Variants in NAA35 observed in about 807,000 individuals in gnomAD.
The protein encoded by NAA35 is MAK10 homolog, amino-acid N-acetyltransferase subunit.
In NAA35, 18 loss-of-function variants were observed where a neutral mutation model predicts 101.7. That is an observed-to-expected ratio of 0.18 (90% CI 0.12 to 0.26). NAA35 has a LOEUF of 0.26. Ranked by LOEUF, NAA35 falls within the 10% of genes least tolerant of loss-of-function variation. NAA35 has a pLI of 1.00. For synonymous variants in NAA35, 267 were observed against 273.1 expected, an observed-to-expected ratio of 0.98 and a Z score of 0.22; for missense variants, 601 against 886.8, an observed-to-expected ratio of 0.68 and a Z score of 4.09.
intron 6 of NAA35, among the ~76,000 whole-genome samples, chr9:85,972,459 C>T (rs545049361): frequency 8.3e-5 from 11 of 131,808 alleles, no homozygotes; most frequent in African/African-American, 2.4e-4. Flanking sequence ...TTACAGTGAG[C>T]TAAGTTTGCG....
chr9:86,008,467 A>G (rs1831748568), intron 14 of NAA35, among the ~76,000 whole-genome samples: 2 of 152,204 alleles, frequency 1.3e-5, no homozygotes, highest in Admixed American at 1.3e-4. Context: ...CATGAGTTTG[A>G]TGTTAATAAA....
chr9:86,024,706 T>C lies in NAA35; in HGVS notation c.*2746T>C, dbSNP rs1832708409. ...GGCAACTAGACGATGGTGGTGCCACTTGTGTAGATATCTAGGCAAGGTAGG... is the reference window on the plus strand; with the variant it reads ...GGCAACTAGACGATGGTGGTGCCACCTGTGTAGATATCTAGGCAAGGTAGG... On this transcript the variant is annotated 3_prime_UTR_variant, in exon 23 of 23. Coordinates refer to ENST00000361671, the MANE Select transcript of NAA35 (RefSeq NM_024635.4). Among the ~76,000 whole-genome samples the C allele has an allele frequency of 6.6e-6, 1 of 152,132 alleles. No individual in the cohort carries two copies. Among genetic ancestry groups the C allele is most frequent in the African/African-American group, 2.4e-5 (1 of 41,438 alleles).
intron 16 of NAA35, 64 bp from the exon 17 acceptor site, chr9:86,013,655 T>A: frequency 6.8e-7 from 1 of 1,463,120 alleles, no homozygotes; most frequent in Non-Finnish European, 9.3e-7. Flanking sequence ...TACGTTTTTT[T>A]AAAGTTCTGT....
rs569342989 is a variant in NAA35, at chr9:85,967,549, T to A, written c.516+5369T>A. On this transcript the variant is annotated intron_variant, in intron 6 of 22. Coordinates refer to ENST00000361671, the MANE Select transcript of NAA35 (RefSeq NM_024635.4). ...TTGGCCGGGCGCGGTGGCTCACGCA[T>A]GTAATTCCAGCACTTTGAGAGGCCC... 1.6e-3 allele frequency among the ~76,000 whole-genome samples: 247 copies of A among 152,236 alleles called. 1 individual carries two copies. Among genetic ancestry groups the A allele is most frequent in the African/African-American group, 3.8e-3 (157 of 41,536 alleles).
chr9:85,996,352 A>G (rs41283651), intron 11 of NAA35, 47 bp from the exon 12 acceptor site: 27,268 of 1,340,858 alleles, frequency 0.02, 401 homozygotes, highest in Admixed American at 0.028. Context: ...GCAGTTTAAA[A>G]TTCAGAGAAA....
intron 6 of NAA35, among the ~76,000 whole-genome samples, chr9:85,967,932 A>G (rs920332299): frequency 3.9e-5 from 6 of 152,138 alleles, no homozygotes; most frequent in African/African-American, 1.4e-4. Flanking sequence ...CTTTCTTAAC[A>G]TCTTGCTCAC....
intron 12 of NAA35, among the ~76,000 whole-genome samples, chr9:86,001,642 T>C (rs1333652320): frequency 2.6e-5 from 4 of 152,220 alleles, no homozygotes; most frequent in Non-Finnish European, 5.9e-5. Context: ...TTGTCTTATT[T>C]GATCTTTGTT....
chr9:85,990,029 G>A (rs1163604405), intron 11 of NAA35, among the ~76,000 whole-genome samples: 3 of 152,190 alleles, frequency 2.0e-5, no homozygotes, highest in Admixed American at 2.0e-4. Context: ...GAGACTGGGT[G>A]ATTTATTTTA....
At chr9:85,997,272 C>T (rs929329289) in intron 12 of NAA35, among the ~76,000 whole-genome samples, 11 of 151,628 alleles carry the variant, frequency 7.3e-5, no homozygotes, top group African/African-American at 2.2e-4. Flanking sequence ...TAGCCTTGAA[C>T]TCTTGAGGTC....
At chr9:86,013,372 AAT>A (rs777591178) in intron 16 of NAA35, among the ~76,000 whole-genome samples, 1 of 152,262 alleles carries the variant, frequency 6.6e-6, no homozygotes, top group Non-Finnish European at 1.5e-5. Flanking sequence ...TAAATTATGA[AAT>A]ATGTATAAAA....
In NAA35 at chr9:86,001,529, T is replaced by C. The variant is rs538899632; in HGVS notation, c.1057-2056T>C. ...TTATGTGGGAGTCTGTGTCTCTTTG[T>C]AGGTCTGTAAGAACTTGCTTTAGGA... On this transcript the variant is annotated intron_variant, in intron 12 of 22. Transcript: ENST00000361671. Among the ~76,000 whole-genome samples, 58 of 152,210 alleles carry C rather than the reference T, an allele frequency of 3.8e-4. 1 individual carries two copies. Among genetic ancestry groups the C allele is most frequent in the Non-Finnish European group, 7.5e-4 (51 of 68,032 alleles).
intron 21 of NAA35, among the ~76,000 whole-genome samples, chr9:86,019,885 A>G (rs1309612474): frequency 6.6e-6 from 1 of 152,222 alleles, no homozygotes; most frequent in African/African-American, 2.4e-5. Context: ...CAGGATTTCT[A>G]ATAGCAAAAA....
Position 85,978,385 on chromosome 9 carries a change from A to C in NAA35, c.877+4A>C, listed in dbSNP as rs535074389. On this transcript the variant is annotated splice_donor_region_variant and intron_variant, in intron 11 of 22. Coordinates refer to ENST00000361671, the MANE Select transcript of NAA35 (RefSeq NM_024635.4). ...CAGAATGATACTACAAAAGGAGGTA[A>C]TTGTTCAATTTGCTCCTACTCTTTC... 1.9e-6 allele frequency: 3 copies of C among 1,553,044 alleles called. No homozygotes were observed. In the African/African-American group the frequency reaches 4.1e-5, roughly 21 times the overall value.
At chr9:86,011,089 A>G (rs1206390317) in intron 15 of NAA35, among the ~76,000 whole-genome samples, 2 of 151,114 alleles carry the variant, frequency 1.3e-5, no homozygotes, top group African/African-American at 4.9e-5. Flanking sequence ...CTGAAAATAC[A>G]AAATTAGCTG....
intron 3 of NAA35, among the ~76,000 whole-genome samples, 153 bp downstream of exon 3, chr9:85,956,546 G>T (rs1324039229): frequency 2.0e-5 from 3 of 152,046 alleles, no homozygotes; most frequent in Admixed American, 6.5e-5. Flanking sequence ...ACTGTGATGA[G>T]CTATTTTGGG....
intron 12 of NAA35, among the ~76,000 whole-genome samples, chr9:85,997,000 G>A (rs1831191503): frequency 6.6e-6 from 1 of 151,644 alleles, no homozygotes; most frequent in Non-Finnish European, 1.5e-5. Flanking sequence ...ACCTACATTG[G>A]AGTGCAGTGG....
At chr9:85,952,472 A>G (rs567139363) in intron 2 of NAA35, among the ~76,000 whole-genome samples, 1 of 151,856 alleles carries the variant, frequency 6.6e-6, no homozygotes, top group South Asian at 2.1e-4. Flanking sequence ...TTTAGTTGAG[A>G]CGGGGTTTCA....
chr9:85,986,500 T>C (rs370702247), intron 11 of NAA35: 18 of 467,392 alleles, frequency 3.9e-5, no homozygotes, highest in African/African-American at 3.6e-4. Flanking sequence ...GAGATGGAGG[T>C]GGAAGTCAGA....
At position 85,955,195 on chromosome 9, in the gene NAA35, G is replaced by GT. The variant is rs1250348953; in HGVS notation, c.125-1165_125-1164insT. 2.6e-5 allele frequency among the ~76,000 whole-genome samples: 4 copies of GT among 151,720 alleles called. No individual in the cohort carries two copies. In the East Asian group the frequency reaches 5.8e-4, roughly 22 times the overall value. On this transcript the variant is annotated intron_variant, in intron 2 of 22. Coordinates refer to ENST00000361671, the MANE Select transcript of NAA35 (RefSeq NM_024635.4). ...GCCTTATTGGTGTATTTTCACACAT[G>GT]ATTCTTATCTGTTTCAGTACCTGGA...
Sources: allele counts gnomAD v4.1 joint callset (sites outside exome capture counted in the v4.1 genomes callset), GRCh38; gene constraint gnomAD v4.1.1; transcripts MANE v1.5; gene names NCBI Gene and HGNC (gene_info 2026-07-23, HGNC 2026-07-21).